KIAA1549: variants seen among roughly 807,000 people sequenced by gnomAD.
The protein encoded by KIAA1549 is KIAA1549, also known as UPF0606 protein KIAA1549.
In KIAA1549, 70 loss-of-function variants were observed where a neutral mutation model predicts 156.4. The observed-to-expected ratio is 0.45, with a 90% CI of 0.37 to 0.55. The LOEUF (loss-of-function observed/expected upper bound fraction) is 0.55. Ranked by LOEUF, KIAA1549 falls within the 20% of genes least tolerant of loss-of-function variation. The probability of loss-of-function intolerance (pLI) is 0.00; values close to 1 mark genes in which losing one functional copy is unlikely to be tolerated. For missense variants in KIAA1549, 2,428 were observed against 2,540.9 expected (o/e 0.96, Z 0.96); for synonymous variants, 1,103 against 1,066.4 (o/e 1.03, Z -0.67).
intron 1 of KIAA1549, among the ~76,000 whole-genome samples, chr7:138,941,188 A>G (rs919711138): frequency 6.6e-6 from 1 of 152,240 alleles, no homozygotes; most frequent in African/African-American, 2.4e-5. Context: ...AGAACATTTA[A>G]TAAGTCACCT....
At chr7:138,931,521 G>A (rs7777975) in intron 1 of KIAA1549, among the ~76,000 whole-genome samples, 36,250 of 152,022 alleles carry the variant, frequency 0.24, 5,477 homozygotes, top group African/African-American at 0.43. Flanking sequence ...GGAGGCCGAG[G>A]TGGGTGGATC....
intron 1 of KIAA1549, among the ~76,000 whole-genome samples, chr7:138,943,360 C>T (rs1200349580): frequency 6.6e-6 from 1 of 152,178 alleles, no homozygotes; most frequent in African/African-American, 2.4e-5. Flanking sequence ...CCCCCAGCGC[C>T]GGCAGTCTCA....
At chr7:138,941,539 T>A (rs1423250350) in intron 1 of KIAA1549, among the ~76,000 whole-genome samples, 5 of 152,134 alleles carry the variant, frequency 3.3e-5, no homozygotes, top group Non-Finnish European at 7.4e-5. Flanking sequence ...CAGCAAAAAA[T>A]AATCTGAATC....
intron 10 of KIAA1549, among the ~76,000 whole-genome samples, chr7:138,885,623 A>G (rs1811368666): frequency 6.6e-6 from 1 of 152,204 alleles, no homozygotes; most frequent in South Asian, 2.1e-4. Context: ...GCCTTGGGCC[A>G]TTTACTCACA....
intron 18 of KIAA1549, among the ~76,000 whole-genome samples, chr7:138,842,659 C>T (rs1482973710): frequency 6.7e-6 from 1 of 149,838 alleles, no homozygotes; most frequent in East Asian, 2.0e-4. Flanking sequence ...TGCCACTGCA[C>T]TCCAGCCTGG....
At chr7:138,912,001 T>C (rs779560198) in intron 3 of KIAA1549, among the ~76,000 whole-genome samples, 34 of 152,340 alleles carry the variant, frequency 2.2e-4, no homozygotes, top group Non-Finnish European at 3.2e-4. Flanking sequence ...TCCAGAAAGA[T>C]GCACCTGTAC....
rs748691018 is a variant in KIAA1549, at chr7:138,917,313, G to A, written c.2313C>T (p.Pro771=). 3 of 1,613,830 alleles carry A rather than the reference G, an allele frequency of 1.9e-6. No individual in the cohort carries two copies. Among genetic ancestry groups the A allele is most frequent in the Non-Finnish European group, 2.5e-6 (3 of 1,179,826 alleles). ...SHESAVTALV[P]PGSESFDILT... The stretch of plus-strand genomic sequence containing the variant: ...AAATGTCAAAAGACTCAGAGCCGGG[G>A]GGCACCAGTGCAGTGACTGCGGATT... Residue 771 remains proline (P), a synonymous_variant, in exon 2 of 20, where the codon CCC becomes CCT. Transcript: ENST00000422774.
Position 138,844,351 on chromosome 7 carries a change from C to T in KIAA1549, c.5418G>A (p.Ser1806=), listed in dbSNP as rs774362698. The T allele has an allele frequency of 1.9e-6, 3 of 1,613,752 alleles. No homozygotes were observed. The highest frequency in any genetic ancestry group is 8.5e-7 in the Non-Finnish European group (1 of 1,179,848). ...ARGIYSEEMP[S]VARPRPVGGT... ...CCCCGACAGGCCGAGGCCGGGCCAC[C>T]GACGGCATCTCCTCCGAGTAGATCC... The change falls in exon 18 of 20, where the codon TCG becomes TCA. Residue 1806 remains serine, a synonymous_variant. Coordinates refer to ENST00000422774, the MANE Select transcript of KIAA1549 (RefSeq NM_001164665.2).
intron 17 of KIAA1549, among the ~76,000 whole-genome samples, chr7:138,847,896 A>C (rs1208864228): frequency 6.6e-6 from 1 of 151,360 alleles, no homozygotes; most frequent in African/African-American, 2.4e-5. Context: ...AGAGGGCTTA[A>C]AAGTCTTTGG....
rs1809714912 is a variant in KIAA1549, at chr7:138,836,614, C to T, written c.*1292G>A. 3 of 218,276 alleles carry T rather than the reference C, an allele frequency of 1.4e-5. No homozygotes were observed. In the Admixed American group the frequency reaches 1.7e-4, roughly 13 times the overall value. The allele number at this position is 218,276 out of a possible 1,614,324, so 13.5% of individuals were successfully genotyped here. On this transcript the variant is annotated 3_prime_UTR_variant, in exon 20 of 20. Transcript: ENST00000422774. The stretch of plus-strand genomic sequence containing the variant: ...CAGCCCTTGCCACTGTTTTCTTTAC[C>T]ATTATTTGGAAAGTGGGGGAAATGT...
chr7:138,858,923 G>A lies in KIAA1549; in HGVS notation c.5247+2216C>T, dbSNP rs542728149. ...CGGGAGGCTGAGGCAGGAGAATGGC[G>A]TGAACCCGGGAGGTGGAGCTTGCAG... On this transcript the variant is annotated intron_variant, in intron 16 of 19. Transcript: ENST00000422774. 3.9e-5 allele frequency among the ~76,000 whole-genome samples: 6 copies of A among 151,954 alleles called. No homozygotes were observed. The East Asian group carries it at 7.8e-4, about 20-fold the overall frequency.
chr7:138,880,375 G>T (rs926340095), intron 11 of KIAA1549, among the ~76,000 whole-genome samples: 3 of 152,010 alleles, frequency 2.0e-5, no homozygotes. Flanking sequence ...AATCTTCAAT[G>T]ATTCCATTTA....
rs1419845735 is a variant in KIAA1549, at chr7:138,861,149, T to C, written c.5237A>G (p.Asn1746Ser). 6.2e-7 allele frequency: 1 copy of C among 1,613,758 alleles called. No homozygotes were observed. The highest frequency in any genetic ancestry group is 1.3e-5 in the African/African-American group (1 of 75,060). ...AAGGCCAGTACTTACACTGCAGGGATTGTTGGCCGTCTGGGCTGGGCTGTA... is the reference window on the plus strand; with the variant it reads ...AAGGCCAGTACTTACACTGCAGGGACTGTTGGCCGTCTGGGCTGGGCTGTA... The part of the protein sequence containing the change: ...SFYSPAQTAN[N>S]PCSRYEDYGM... Residue 1746 changes from asparagine to serine, a missense_variant, in exon 16 of 20, where the codon AAT becomes AGT. Asn to Ser is a conservative substitution (Grantham distance 46). Transcript: ENST00000422774.
intron 1 of KIAA1549, among the ~76,000 whole-genome samples, chr7:138,951,478 C>T (rs1230737384): frequency 7.2e-5 from 11 of 152,318 alleles, no homozygotes; most frequent in African/African-American, 2.6e-4. Flanking sequence ...TCTCCCCGCA[C>T]GTTCTCTCTG....
At position 138,917,900 on chromosome 7, in the gene KIAA1549, T is replaced by C. The variant is rs2130479939; in HGVS notation, c.1726A>G (p.Lys576Glu). Reference sequence around the variant, plus strand: ...CTGACGGCAAGCGACGGTGTGTTTTTGTTTGCTATGACAGAGAAAGATGAG... The same window carrying C: ...CTGACGGCAAGCGACGGTGTGTTTTCGTTTGCTATGACAGAGAAAGATGAG... ...LDSSFSVIAN[K>E]NTPSLAVRDP... Residue 576 changes from lysine (K) to glutamate (E), a missense_variant, in exon 2 of 20, where the codon AAA becomes GAA. Lys to Glu is a moderately conservative substitution (Grantham distance 56). Coordinates refer to ENST00000422774, the MANE Select transcript of KIAA1549 (RefSeq NM_001164665.2). The C allele has an allele frequency of 5.0e-6, 8 of 1,602,396 alleles. No homozygotes were observed. The South Asian group carries it at 5.6e-5, about 11-fold the overall frequency.
At chr7:138,873,854 C>T (rs956399395) in intron 12 of KIAA1549, among the ~76,000 whole-genome samples, 17 of 151,460 alleles carry the variant, frequency 1.1e-4, no homozygotes, top group Non-Finnish European at 1.5e-5. Context: ...AGAAAATCTT[C>T]CAGCTTCCAT....
chr7:138,855,316 C>T (rs1810355943), intron 16 of KIAA1549, among the ~76,000 whole-genome samples: 1 of 152,210 alleles, frequency 6.6e-6, no homozygotes, highest in Admixed American at 6.5e-5. Context: ...GGACCTTCAG[C>T]AACTTGGCTT....
In KIAA1549 at chr7:138,919,226, C is replaced by G; in HGVS notation, c.400G>C (p.Asp134His). The stretch of plus-strand genomic sequence containing the variant: ...TAAGTTGCCACAAAGATGCTGGGAT[C>G]TGCTGTACTTTTGGTCTGTTTTCCT... ...NQGKQTKSTA[D>H]PSIFVATYVS... Residue 134 changes from aspartate to histidine, a missense_variant, in exon 2 of 20, where the codon GAT (aspartate) becomes CAT (histidine). By Grantham distance (81) the Asp-to-His change is moderately conservative. Coordinates refer to ENST00000422774, the MANE Select transcript of KIAA1549 (RefSeq NM_001164665.2). 6.2e-7 allele frequency: 1 copy of G among 1,614,032 alleles called. No homozygotes were observed. Among genetic ancestry groups the G allele is most frequent in the Non-Finnish European group, 8.5e-7 (1 of 1,179,902 alleles).
At chr7:138,956,402 T>C (rs963140628) in intron 1 of KIAA1549, among the ~76,000 whole-genome samples, 3 of 152,216 alleles carry the variant, frequency 2.0e-5, no homozygotes, top group African/African-American at 7.2e-5. Flanking sequence ...CCAAGTGATA[T>C]GGTTCGGCTG....
Sources: gnomAD v4.1 joint callset for allele counts (sites outside exome capture counted in the v4.1 genomes callset) on GRCh38, gnomAD v4.1.1 for gene constraint, MANE v1.5 for transcripts, NCBI Gene and HGNC (gene_info 2026-07-23, HGNC 2026-07-21) for gene names.